The following KLHL2 variants were observed in gnomAD, a reference collection of about 807,000 sequenced individuals.
The protein encoded by KLHL2 is kelch like family member 2.
In KLHL2, 15 loss-of-function variants were observed where a neutral mutation model predicts 75.8. The observed-to-expected ratio is 0.20, with a 90% CI of 0.13 to 0.30. KLHL2 has a LOEUF of 0.30. Among genes scored for constraint, KLHL2 ranks in the 10% least tolerant of loss-of-function variants. The pLI, the probability that KLHL2 is intolerant of heterozygous loss-of-function variation, is 1.00. For synonymous variants in KLHL2, 214 were observed against 251.9 expected, an observed-to-expected ratio of 0.85 and a Z score of 1.42; for missense variants, 381 against 741.0, an observed-to-expected ratio of 0.51 and a Z score of 5.64.
chr4:165,226,377 T>G (rs982970295), intron 2 of KLHL2, among the ~76,000 whole-genome samples: 5 of 152,210 alleles, frequency 3.3e-5, no homozygotes, highest in Non-Finnish European at 7.3e-5. Context: ...CTTTTGCTCC[T>G]TCTCGATCCA....
chr4:165,227,224 C>T (rs1235485305), intron 2 of KLHL2, among the ~76,000 whole-genome samples: 1 of 152,066 alleles, frequency 6.6e-6, no homozygotes, highest in African/African-American at 2.4e-5. Context: ...AGCCATTAAA[C>T]TGGTAACACA....
intron 8 of KLHL2, 81 bp from the exon 9 acceptor site, chr4:165,305,527 C>T: frequency 8.8e-7 from 1 of 1,130,512 alleles, no homozygotes; most frequent in East Asian, 2.4e-5. Context: ...ACACTTCCCA[C>T]ACCAGTGTCT....
intron 5 of KLHL2, among the ~76,000 whole-genome samples, chr4:165,288,182 G>A (rs905031314): frequency 1.3e-5 from 2 of 152,074 alleles, no homozygotes; most frequent in Non-Finnish European, 2.9e-5. Flanking sequence ...TTTTGTGTAT[G>A]GCGTATATGA....
intron 5 of KLHL2, among the ~76,000 whole-genome samples, chr4:165,269,940 T>C (rs1352213312): frequency 2.0e-5 from 3 of 152,334 alleles, no homozygotes; most frequent in Middle Eastern, 3.4e-3. Flanking sequence ...ATTCTCCCCA[T>C]AACTCTCCGG....
At chr4:165,305,325 G>GTT (rs112436394) in intron 8 of KLHL2, among the ~76,000 whole-genome samples, 8 of 151,878 alleles carry the variant, frequency 5.3e-5, no homozygotes, top group African/African-American at 1.2e-4. Context: ...ACTGCGTGCT[G>GTT]TTTTTTTGCT....
At chr4:165,293,450 A>G (rs1274029583) in intron 5 of KLHL2, among the ~76,000 whole-genome samples, 1 of 151,580 alleles carries the variant, frequency 6.6e-6, no homozygotes, top group Non-Finnish European at 1.5e-5. Context: ...GAAATAAACT[A>G]TTTATTTAGA....
intron 9 of KLHL2, among the ~76,000 whole-genome samples, chr4:165,306,424 T>A (rs1287241600): frequency 3.3e-5 from 5 of 152,242 alleles, no homozygotes; most frequent in Non-Finnish European, 7.3e-5. Flanking sequence ...ATGTTTTTAA[T>A]CTTAATGTTA....
chr4:165,263,805 GTTTTTTTTTTTTTT>G (rs55901119), intron 5 of KLHL2, among the ~76,000 whole-genome samples: 2 of 66,484 alleles, frequency 3.0e-5, no homozygotes, highest in African/African-American at 5.8e-5. Flanking sequence ...TTTTTACATT[GTTTTTTTTTTTTTT>G]TTTTTTTTTT....
intron 4 of KLHL2, among the ~76,000 whole-genome samples, chr4:165,255,973 A>G (rs1741134528): frequency 6.6e-6 from 1 of 152,110 alleles, no homozygotes; most frequent in South Asian, 2.1e-4. Context: ...ATTTCCCCCT[A>G]TGGAATAAAT....
chr4:165,318,036 G>A (rs1214377359), intron 14 of KLHL2, 67 bp downstream of exon 14: 12 of 1,442,066 alleles, frequency 8.3e-6, no homozygotes, highest in Middle Eastern at 1.7e-4. Context: ...TTATATTAAC[G>A]AAGTTTTTCT....
chr4:165,297,408 A>T (rs1184589379), intron 6 of KLHL2, among the ~76,000 whole-genome samples: 1 of 123,784 alleles, frequency 8.1e-6, no homozygotes. Flanking sequence ...TTGGGTAAAT[A>T]AAAAAAAAAA....
chr4:165,269,991 C>T (rs4691179), intron 5 of KLHL2, among the ~76,000 whole-genome samples: 22,145 of 152,110 alleles, frequency 0.15, 2,065 homozygotes, highest in African/African-American at 0.26. Flanking sequence ...TCCATAATCA[C>T]ATATTTCTTG....
intron 4 of KLHL2, among the ~76,000 whole-genome samples, chr4:165,258,596 A>C (rs529200846): frequency 6.6e-6 from 1 of 152,310 alleles, no homozygotes; most frequent in East Asian, 1.9e-4. Context: ...TCAGAAAATA[A>C]GTTTCAAAGA....
At chr4:165,295,640 G>T (rs1013795852) in intron 6 of KLHL2, among the ~76,000 whole-genome samples, 4 of 152,144 alleles carry the variant, frequency 2.6e-5, no homozygotes, top group African/African-American at 9.7e-5. Flanking sequence ...AGTTCAACTT[G>T]GTTCAGATGT....
At chr4:165,312,212 AGGTACC>A (rs1746259923) in intron 11 of KLHL2, among the ~76,000 whole-genome samples, 1 of 152,152 alleles carries the variant, frequency 6.6e-6, no homozygotes, top group African/African-American at 2.4e-5. Context: ...GGTTCCAGAC[AGGTACC>A]GGTCCATGGC....
At chr4:165,214,762 A>G (rs994559403) in intron 1 of KLHL2, among the ~76,000 whole-genome samples, 2 of 152,180 alleles carry the variant, frequency 1.3e-5, no homozygotes, top group Middle Eastern at 3.2e-3. Context: ...TGGCAATTCA[A>G]GCTTTTCTAG....
At chr4:165,241,733 G>A (rs28520278) in intron 4 of KLHL2, among the ~76,000 whole-genome samples, 3,250 of 152,282 alleles carry the variant, frequency 0.021, 81 homozygotes, top group East Asian at 0.1. Flanking sequence ...ACAGAACAGG[G>A]CCATACCCCT....
intron 4 of KLHL2, among the ~76,000 whole-genome samples, chr4:165,249,668 T>G (rs1740534778): frequency 6.6e-6 from 1 of 152,226 alleles, no homozygotes; most frequent in Admixed American, 6.5e-5. Flanking sequence ...GTTGTCTTTT[T>G]CTGTCCCCAA....
chr4:165,288,095 T>A (rs1462607938), intron 5 of KLHL2, among the ~76,000 whole-genome samples: 1 of 152,206 alleles, frequency 6.6e-6, no homozygotes, highest in Non-Finnish European at 1.5e-5. Context: ...TCACGAAACT[T>A]TCCCCCCTGT....
Sources: gnomAD v4.1 joint callset for allele counts (sites outside exome capture counted in the v4.1 genomes callset) on GRCh38, gnomAD v4.1.1 for gene constraint, MANE v1.5 for transcripts, NCBI Gene and HGNC (gene_info 2026-07-23, HGNC 2026-07-21) for gene names.